The following HMBOX1 variants were observed in gnomAD, a reference collection of about 807,000 sequenced individuals.
HMBOX1 encodes the protein homeobox containing 1, also known as homeobox-containing protein 1.
In HMBOX1, 14 loss-of-function variants were observed where a neutral mutation model predicts 54.5. That is an observed-to-expected ratio of 0.26 (90% confidence interval 0.17 to 0.40). The LOEUF is 0.40. HMBOX1 is among the 10% of genes least tolerant of loss of function. The pLI is 1.00. For synonymous variants in HMBOX1, 160 were observed against 181.0 expected, an observed-to-expected ratio of 0.88 and a Z score of 0.93; for missense variants, 332 against 514.4, an observed-to-expected ratio of 0.65 and a Z score of 3.43.
At chr8:28,998,026 G>GT (rs1832120346) in intron 4 of HMBOX1, among the ~76,000 whole-genome samples, 1 of 152,190 alleles carries the variant, frequency 6.6e-6, no homozygotes, top group Non-Finnish European at 1.5e-5. Context: ...GAATTTACCA[G>GT]TAAAGCATTC....
chr8:28,926,565 T>C (rs1818554619), intron 1 of HMBOX1, among the ~76,000 whole-genome samples: 1 of 152,084 alleles, frequency 6.6e-6, no homozygotes, highest in Admixed American at 6.5e-5. Flanking sequence ...ATTTTTTTCT[T>C]TTTTGAGATG....
At chr8:29,039,418 C>T (rs1804482692) in intron 6 of HMBOX1, among the ~76,000 whole-genome samples, 1 of 152,106 alleles carries the variant, frequency 6.6e-6, no homozygotes, top group Admixed American at 6.5e-5. Context: ...TAGGCCAAAC[C>T]ACCAAATGTA....
At chr8:28,939,611 G>A (rs1820994980) in intron 1 of HMBOX1, among the ~76,000 whole-genome samples, 1 of 152,010 alleles carries the variant, frequency 6.6e-6, no homozygotes, top group Non-Finnish European at 1.5e-5. Flanking sequence ...CTGGGTTCAA[G>A]TAATTCTCCT....
chr8:28,973,898 T>C (rs998484365), intron 3 of HMBOX1, among the ~76,000 whole-genome samples: 1 of 137,496 alleles, frequency 7.3e-6, no homozygotes, highest in Admixed American at 8.1e-5. Context: ...CACTGCAACC[T>C]TCGCCTCCCG....
intron 1 of HMBOX1, among the ~76,000 whole-genome samples, chr8:28,921,073 G>T (rs1037959625): frequency 2.0e-5 from 3 of 152,182 alleles, no homozygotes; most frequent in Admixed American, 2.0e-4. Flanking sequence ...AGTGGCTCAC[G>T]CCTGTAATCC....
chr8:28,959,646 C>G (rs529418544), intron 1 of HMBOX1, among the ~76,000 whole-genome samples: 10 of 152,106 alleles, frequency 6.6e-5, no homozygotes, highest in Middle Eastern at 6.8e-3. Context: ...CTGTATACTA[C>G]CTTTATTAGG....
intron 5 of HMBOX1, among the ~76,000 whole-genome samples, chr8:29,017,292 C>T (rs1198101762): frequency 1.3e-5 from 2 of 152,158 alleles, no homozygotes; most frequent in African/African-American, 4.8e-5. Flanking sequence ...TTTTAGGAGA[C>T]CTAGGCAGAA....
intron 4 of HMBOX1, among the ~76,000 whole-genome samples, chr8:28,986,999 A>G (rs1715528209): frequency 6.6e-6 from 1 of 152,184 alleles, no homozygotes; most frequent in South Asian, 2.1e-4. Context: ...AGTTCTCTAC[A>G]GTTATTGAAA....
At chr8:28,908,014 G>A (rs560772686) in intron 1 of HMBOX1, among the ~76,000 whole-genome samples, 1 of 151,728 alleles carries the variant, frequency 6.6e-6, no homozygotes, top group Non-Finnish European at 1.5e-5. Context: ...GTTTTTGTAT[G>A]GCTAGTTTTT....
At chr8:28,956,472 G>T (rs1203182467) in intron 1 of HMBOX1, among the ~76,000 whole-genome samples, 2 of 151,638 alleles carry the variant, frequency 1.3e-5, no homozygotes, top group East Asian at 1.9e-4. Flanking sequence ...TCTTTATTCT[G>T]CCTGATACTT....
intron 5 of HMBOX1, among the ~76,000 whole-genome samples, chr8:29,015,965 C>T (rs1287824310): frequency 6.6e-6 from 1 of 152,174 alleles, no homozygotes; most frequent in African/African-American, 2.4e-5. Context: ...GGCTGTAAAT[C>T]TCTAAAGCAT....
intron 1 of HMBOX1, among the ~76,000 whole-genome samples, chr8:28,901,725 C>G (rs1444419669): frequency 3.3e-5 from 5 of 152,186 alleles, no homozygotes; most frequent in Non-Finnish European, 7.3e-5. Flanking sequence ...CGTCCCTGTG[C>G]TTTGTGATGG....
At chr8:29,044,140 G>A (rs1805238945) in intron 6 of HMBOX1, among the ~76,000 whole-genome samples, 1 of 152,116 alleles carries the variant, frequency 6.6e-6, no homozygotes, top group African/African-American at 2.4e-5. Flanking sequence ...GTAGTGTTAG[G>A]AGCTGGGTTT....
chr8:29,028,936 T>A (rs993502226), intron 6 of HMBOX1, among the ~76,000 whole-genome samples: 9 of 152,200 alleles, frequency 5.9e-5, no homozygotes, highest in Non-Finnish European at 1.0e-4. Context: ...TGAGATTTTT[T>A]AAATATTTAC....
intron 1 of HMBOX1, among the ~76,000 whole-genome samples, chr8:28,940,349 CATTA>C (rs1409579596): frequency 2.0e-5 from 3 of 152,198 alleles, no homozygotes; most frequent in Non-Finnish European, 4.4e-5. Flanking sequence ...TGAGCTTTAT[CATTA>C]GTTCCTAAGG....
At chr8:28,934,862 G>A (rs1442678002) in intron 1 of HMBOX1, among the ~76,000 whole-genome samples, 1 of 151,346 alleles carries the variant, frequency 6.6e-6, no homozygotes, top group Non-Finnish European at 1.5e-5. Context: ...GGGAGGCGGA[G>A]CTTGCAGTGA....
intron 1 of HMBOX1, among the ~76,000 whole-genome samples, chr8:28,900,265 A>ATAT (rs1311095400): frequency 1.7e-3 from 69 of 39,836 alleles, no homozygotes; most frequent in Non-Finnish European, 3.6e-3. Flanking sequence ...AAAAAAAAAA[A>ATAT]AAAAAAATAT....
At position 29,051,191 on chromosome 8, in the gene HMBOX1, A is replaced by G; in HGVS notation, c.*36A>G. ...TAAACATGACAAGTTAACTTAGTTT[A>G]GACGTAGCACCTTAGCAGACTTTCC... On this transcript the variant is annotated 3_prime_UTR_variant, in exon 10 of 10. Coordinates refer to ENST00000287701, the MANE Select transcript of HMBOX1 (RefSeq NM_001135726.3). 1.2e-6 allele frequency: 2 copies of G among 1,609,958 alleles called. No homozygotes were observed. The highest frequency in any genetic ancestry group is 1.7e-6 in the Non-Finnish European group (2 of 1,177,940).
chr8:28,985,654 C>A (rs921829118), intron 4 of HMBOX1, among the ~76,000 whole-genome samples: 1 of 152,138 alleles, frequency 6.6e-6, no homozygotes, highest in South Asian at 2.1e-4. Context: ...GCCTTTTTAA[C>A]TTATCTTTAA....
Sources: allele counts gnomAD v4.1 joint callset (sites outside exome capture counted in the v4.1 genomes callset), GRCh38; gene constraint gnomAD v4.1.1; transcripts MANE v1.5; gene names NCBI Gene and HGNC (gene_info 2026-07-23, HGNC 2026-07-21).